SNTB1: variants seen among roughly 807,000 people sequenced by gnomAD.
SNTB1 encodes the protein syntrophin beta 1.
Under a neutral mutation model 48.9 loss-of-function variants are expected in SNTB1, and 36 were observed. The observed-to-expected ratio is 0.74, with a 90% CI of 0.56 to 0.97. The LOEUF (loss-of-function observed/expected upper bound fraction) is 0.97. Among genes scored for constraint, SNTB1 ranks in the 50% least tolerant of loss-of-function variants. SNTB1 has a pLI of 0.00. For missense variants in SNTB1, 786 were observed against 703.4 expected (o/e 1.12, Z -1.33); for synonymous variants, 299 against 294.6 (o/e 1.01, Z -0.15).
At chr8:120,757,020 G>T (rs181392869) in intron 1 of SNTB1, among the ~76,000 whole-genome samples, 1 of 152,172 alleles carries the variant, frequency 6.6e-6, no homozygotes, top group African/African-American at 2.4e-5. Flanking sequence ...TGGGGTGCCA[G>T]GAATTGATAT....
intron 3 of SNTB1, among the ~76,000 whole-genome samples, chr8:120,605,160 T>C (rs1816493672): frequency 6.6e-6 from 1 of 152,198 alleles, no homozygotes; most frequent in African/African-American, 2.4e-5. Context: ...TCCTTCCACT[T>C]TAATAATTTG....
At chr8:120,685,570 G>A (rs1418883402) in intron 2 of SNTB1, among the ~76,000 whole-genome samples, 1 of 152,204 alleles carries the variant, frequency 6.6e-6, no homozygotes, top group East Asian at 1.9e-4. Context: ...GGCCCTGGCA[G>A]CCTTAAATCT....
At chr8:120,767,826 T>C (rs1819552932) in intron 1 of SNTB1, among the ~76,000 whole-genome samples, 1 of 152,232 alleles carries the variant, frequency 6.6e-6, no homozygotes. Context: ...TTTTTATTAA[T>C]ATACTGGTAA....
intron 2 of SNTB1, among the ~76,000 whole-genome samples, chr8:120,659,377 C>T (rs531686367): frequency 6.6e-5 from 10 of 152,106 alleles, no homozygotes; most frequent in East Asian, 1.9e-4. Flanking sequence ...CCATAAGAAA[C>T]GACGCCTGCA....
chr8:120,730,115 A>G (rs569144688), intron 1 of SNTB1, among the ~76,000 whole-genome samples: 8 of 152,136 alleles, frequency 5.3e-5, no homozygotes, highest in Non-Finnish European at 1.2e-4. Context: ...CACCTATCCT[A>G]TGCCAGGAAC....
intron 4 of SNTB1, among the ~76,000 whole-genome samples, chr8:120,572,873 C>T (rs1815881568): frequency 6.6e-6 from 1 of 152,172 alleles, no homozygotes; most frequent in Non-Finnish European, 1.5e-5. Context: ...CAAGATAGCA[C>T]CATTGCACTC....
At chr8:120,798,973 T>G (rs1455729381) in intron 1 of SNTB1, among the ~76,000 whole-genome samples, 1 of 152,046 alleles carries the variant, frequency 6.6e-6, no homozygotes, top group Non-Finnish European at 1.5e-5. Context: ...GAAGGCATCT[T>G]TTTGTTGGGA....
chr8:120,654,871 C>G (rs1162193602), intron 2 of SNTB1: 1 of 412,370 alleles, frequency 2.4e-6, no homozygotes, highest in Admixed American at 3.3e-5. Context: ...ACAAAAGTTT[C>G]AAGTGACCTT....
In SNTB1 at chr8:120,811,287, T is replaced by C; in HGVS notation, c.557A>G (p.Glu186Gly). 1 of 1,602,664 alleles carries C rather than the reference T, an allele frequency of 6.2e-7. No homozygotes were observed. The highest frequency in any genetic ancestry group is 8.5e-7 in the Non-Finnish European group (1 of 1,178,328). The change falls in exon 1 of 7, where the codon GAA (glutamate) becomes GGA (glycine). Residue 186 changes from glutamate to glycine, a missense_variant. Transcript: ENST00000517992. ...TAACCCCTTACCTTCCAGCAGCACT[T>C]CCTTGCCCGCGCGCTTCAACGCCTG... ...AVQALKRAGKEVLLEVKYMRE... is the reference protein window; with the variant it reads ...AVQALKRAGKGVLLEVKYMRE...
chr8:120,693,905 T>C lies in SNTB1; in HGVS notation c.575A>G (p.Lys192Arg). ...ATAGGGCGTGGCTTCTCGCATGTAC[T>C]TCACTGCAAGGAAAAAGACAACAAG... is the stretch of plus-strand genomic sequence containing the variant. ...RAGKEVLLEV[K>R]YMREATPYVK... The change falls in exon 2 of 7, where the codon AAG (lysine) becomes AGG (arginine). Residue 192 changes from lysine (K) to arginine (R), a missense_variant. Coordinates refer to ENST00000517992, the MANE Select transcript of SNTB1 (RefSeq NM_021021.4). 1 of 1,612,738 alleles carries C rather than the reference T, an allele frequency of 6.2e-7. No homozygotes were observed. Among genetic ancestry groups the C allele is most frequent in the Non-Finnish European group, 8.5e-7 (1 of 1,178,976 alleles).
intron 2 of SNTB1, among the ~76,000 whole-genome samples, chr8:120,690,332 A>T (rs1359720646): frequency 6.6e-6 from 1 of 152,104 alleles, no homozygotes; most frequent in African/African-American, 2.4e-5. Context: ...GGATTACTGT[A>T]TTTATCTGTG....
intron 4 of SNTB1, among the ~76,000 whole-genome samples, chr8:120,565,800 C>G (rs1023160101): frequency 6.6e-6 from 1 of 152,160 alleles, no homozygotes; most frequent in African/African-American, 2.4e-5. Flanking sequence ...TGTGTCCCCC[C>G]AAAATTCATG....
At chr8:120,634,971 C>T (rs1851622680) in intron 2 of SNTB1, among the ~76,000 whole-genome samples, 2 of 151,942 alleles carry the variant, frequency 1.3e-5, no homozygotes, top group African/African-American at 4.8e-5. Flanking sequence ...CCTGCCTCAG[C>T]CTCCCGAGTA....
intron 1 of SNTB1, among the ~76,000 whole-genome samples, chr8:120,737,340 A>C (rs1286978651): frequency 6.6e-6 from 1 of 152,182 alleles, no homozygotes; most frequent in Non-Finnish European, 1.5e-5. Context: ...TTTGTCGACT[A>C]TGAAGCACCA....
intron 4 of SNTB1, among the ~76,000 whole-genome samples, chr8:120,569,305 A>C (rs1488572268): frequency 6.6e-6 from 1 of 152,212 alleles, no homozygotes; most frequent in Non-Finnish European, 1.5e-5. Context: ...AAATGATCAC[A>C]GTGATGCACT....
intron 2 of SNTB1, among the ~76,000 whole-genome samples, chr8:120,667,991 TG>T (rs1817701504): frequency 6.6e-6 from 1 of 152,214 alleles, no homozygotes; most frequent in Non-Finnish European, 1.5e-5. Flanking sequence ...CATCCTGTGG[TG>T]TAGTTTTTGC....
At chr8:120,699,684 CA>C (rs1460745580) in intron 1 of SNTB1, among the ~76,000 whole-genome samples, 7 of 152,180 alleles carry the variant, frequency 4.6e-5, no homozygotes, top group Admixed American at 2.0e-4. Context: ...GATTAACACA[CA>C]ACCCATTGGC....
At chr8:120,680,707 T>A (rs1034478614) in intron 2 of SNTB1, among the ~76,000 whole-genome samples, 2 of 152,180 alleles carry the variant, frequency 1.3e-5, no homozygotes, top group African/African-American at 4.8e-5. Flanking sequence ...GGCATCATTA[T>A]CTCTGCTTGA....
At chr8:120,709,562 T>C (rs532273913) in intron 1 of SNTB1, among the ~76,000 whole-genome samples, 46 of 152,290 alleles carry the variant, frequency 3.0e-4, no homozygotes, top group Middle Eastern at 6.8e-3. Context: ...TTTACATAGA[T>C]TACATCTTTT....
Sources: gnomAD v4.1 joint callset for allele counts (sites outside exome capture counted in the v4.1 genomes callset) on GRCh38, gnomAD v4.1.1 for gene constraint, MANE v1.5 for transcripts, NCBI Gene and HGNC (gene_info 2026-07-23, HGNC 2026-07-21) for gene names.